Variants in MCOLN3 observed in about 807,000 individuals in gnomAD.
MCOLN3 encodes the protein mucolipin TRP cation channel 3, also known as mucolipin-3.
In MCOLN3, 62 loss-of-function variants were observed where a neutral mutation model predicts 69.4. The observed-to-expected ratio is 0.89, with a 90% CI of 0.73 to 1.10. The LOEUF is 1.10. MCOLN3 is among the 50% of genes least tolerant of loss of function. The probability of loss-of-function intolerance (pLI) is 0.00; values close to 1 mark genes in which losing one functional copy is unlikely to be tolerated. For missense variants in MCOLN3, 564 were observed against 656.4 expected (o/e 0.86, Z 1.54); for synonymous variants, 183 against 217.0 (o/e 0.84, Z 1.38).
chr1:85,037,913 T>C (rs1652872343), intron 3 of MCOLN3, among the ~76,000 whole-genome samples: 1 of 152,196 alleles, frequency 6.6e-6, no homozygotes, highest in Non-Finnish European at 1.5e-5. Context: ...TTCAGTCAGA[T>C]TCATGGGTCC....
At chr1:85,035,637 C>A (rs1406664543) in intron 3 of MCOLN3, among the ~76,000 whole-genome samples, 2 of 152,102 alleles carry the variant, frequency 1.3e-5, no homozygotes, top group Non-Finnish European at 2.9e-5. Context: ...GCAAAAGAAT[C>A]ACTTAAAAAT....
At chr1:85,020,079 T>G (rs1651851009) in intron 12 of MCOLN3, among the ~76,000 whole-genome samples, 1 of 152,194 alleles carries the variant, frequency 6.6e-6, no homozygotes, top group South Asian at 2.1e-4. Flanking sequence ...CACACAGTTC[T>G]CTGCATGCAG....
chr1:85,019,297 C>G lies in MCOLN3; in HGVS notation c.1528-40G>C, dbSNP rs1313773052. ...GTTAAAAAGCTTTTATTAATAAGCT[C>G]CTTGAAAACAGCTTCATTCCAAATT... On this transcript the variant is annotated intron_variant, in intron 12 of 12. Transcript: ENST00000370589. 5.0e-6 allele frequency: 8 copies of G among 1,586,824 alleles called. No individual in the cohort carries two copies. In the East Asian group the frequency reaches 1.6e-4, roughly 31 times the overall value.
At chr1:85,024,602 G>GAAT (rs1553161703) in intron 9 of MCOLN3, 2 of 152,016 alleles carry the variant, frequency 1.3e-5, no homozygotes, top group Non-Finnish European at 2.9e-5. Flanking sequence ...AATGAGGATA[G>GAAT]GACAAGGGTA....
intron 3 of MCOLN3, among the ~76,000 whole-genome samples, chr1:85,035,376 TG>T (rs1652753482): frequency 6.6e-6 from 1 of 152,250 alleles, no homozygotes; most frequent in Non-Finnish European, 1.5e-5. Flanking sequence ...TCTTCAGCTC[TG>T]ACCTTTCCAC....
At chr1:85,045,650 G>A (rs1207294332) in intron 1 of MCOLN3, among the ~76,000 whole-genome samples, 1 of 152,184 alleles carries the variant, frequency 6.6e-6, no homozygotes, top group Non-Finnish European at 1.5e-5. Context: ...TATATAGGAT[G>A]TATATGTTTT....
chr1:85,037,035 A>G (rs1652834260), intron 3 of MCOLN3, among the ~76,000 whole-genome samples: 1 of 152,162 alleles, frequency 6.6e-6, no homozygotes, highest in Non-Finnish European at 1.5e-5. Flanking sequence ...GAAAAATTAT[A>G]ATAATGCGAT....
chr1:85,028,215 C>G (rs1026743603), intron 7 of MCOLN3, among the ~76,000 whole-genome samples: 1 of 152,198 alleles, frequency 6.6e-6, no homozygotes, highest in Non-Finnish European at 1.5e-5. Context: ...AAAATACTAT[C>G]ATGGCAAAAT....
intron 7 of MCOLN3, among the ~76,000 whole-genome samples, chr1:85,028,336 C>G (rs761993930): frequency 1.3e-4 from 20 of 152,150 alleles, no homozygotes; most frequent in Non-Finnish European, 2.9e-5. Flanking sequence ...ACTATTTACA[C>G]ATTTCTAGGC....
In MCOLN3 at chr1:85,041,036, C is replaced by T. The variant is rs1442360409; in HGVS notation, c.370G>A (p.Asp124Asn). The change falls in exon 3 of 13, where the codon GAT (aspartate) becomes AAT (asparagine). Residue 124 changes from aspartate (D) to asparagine (N), a missense_variant. Physicochemically the swap from Asp to Asn is conservative, Grantham distance 23. Transcript: ENST00000370589. ...YAVYTQSDVYDQLIFAVNQYL... is the reference protein window; with the variant it reads ...YAVYTQSDVYNQLIFAVNQYL... ...TGGTTTACTGCGAAGATTAACTGAT[C>T]ATACACGTCACTTTGTGTGTACACT... The T allele has an allele frequency of 6.2e-7, 1 of 1,613,544 alleles. No individual in the cohort carries two copies. The highest frequency in any genetic ancestry group is 8.5e-7 in the Non-Finnish European group (1 of 1,179,878).
intron 2 of MCOLN3, 47 bp from the exon 3 acceptor site, chr1:85,041,224 G>C: frequency 2.0e-6 from 3 of 1,528,524 alleles, no homozygotes; most frequent in Non-Finnish European, 2.7e-6. Flanking sequence ...AATGTGGGCA[G>C]AAAAAGCAGA....
chr1:85,019,690 C>T (rs1242357212), intron 12 of MCOLN3, among the ~76,000 whole-genome samples: 1 of 152,216 alleles, frequency 6.6e-6, no homozygotes, highest in Admixed American at 6.5e-5. Context: ...ACAAGGTTTT[C>T]TAGTAGGCCA....
intron 3 of MCOLN3, among the ~76,000 whole-genome samples, chr1:85,040,330 A>C (rs1240611032): frequency 6.6e-6 from 1 of 152,218 alleles, no homozygotes; most frequent in East Asian, 1.9e-4. Context: ...CTGAAGAAAA[A>C]TTGTAATAAT....
At chr1:85,035,517 AAGTC>A (rs1161797722) in intron 3 of MCOLN3, among the ~76,000 whole-genome samples, 1 of 152,200 alleles carries the variant, frequency 6.6e-6, no homozygotes, top group African/African-American at 2.4e-5. Context: ...ATTATTCTGT[AAGTC>A]AGTCAGTTGT....
chr1:85,032,917 C>T lies in MCOLN3; in HGVS notation c.590G>A (p.Gly197Glu). Reference protein sequence around the residue: ...FVEPDEPFHIGTPAENKLNLT... With the variant: ...FVEPDEPFHIETPAENKLNLT... ...GTTCAGTTTATTTTCTGCTGGTGTCCCAATGTGAAAAGGTTCATCTGGCTC... is the reference window on the plus strand; with the variant it reads ...GTTCAGTTTATTTTCTGCTGGTGTCTCAATGTGAAAAGGTTCATCTGGCTC... The change falls in exon 5 of 13, where the codon GGG (glycine) becomes GAG (glutamate). Residue 197 changes from glycine (G) to glutamate (E), a missense_variant. By Grantham distance (98) the Gly-to-Glu change is moderately conservative. Coordinates refer to ENST00000370589, the MANE Select transcript of MCOLN3 (RefSeq NM_018298.11). The T allele has an allele frequency of 1.2e-6, 2 of 1,614,024 alleles. No homozygotes were observed. The highest frequency in any genetic ancestry group is 1.7e-6 in the Non-Finnish European group (2 of 1,180,036).
chr1:85,028,524 G>A (rs1652337935), intron 7 of MCOLN3, among the ~76,000 whole-genome samples: 1 of 152,162 alleles, frequency 6.6e-6, no homozygotes, highest in Non-Finnish European at 1.5e-5. Context: ...ATTCTTTCCA[G>A]GCAATTCTCT....
At chr1:85,043,990 G>A (rs567179782) in intron 2 of MCOLN3, among the ~76,000 whole-genome samples, 2 of 152,172 alleles carry the variant, frequency 1.3e-5, no homozygotes, top group Admixed American at 1.3e-4. Flanking sequence ...TTGAGCTCAA[G>A]CAATCCACCC....
intron 9 of MCOLN3, among the ~76,000 whole-genome samples, chr1:85,024,265 G>A (rs557422491): frequency 2.6e-5 from 4 of 152,176 alleles, no homozygotes; most frequent in Non-Finnish European, 5.9e-5. Flanking sequence ...GTTAGCGGGA[G>A]GAATTAGGGT....
At chr1:85,048,010 C>T (rs1653463531) in intron 1 of MCOLN3, among the ~76,000 whole-genome samples, 1 of 152,228 alleles carries the variant, frequency 6.6e-6, no homozygotes, top group Non-Finnish European at 1.5e-5. Context: ...CGCGTCAAGG[C>T]CATCTGGAGC....
Sources: allele counts gnomAD v4.1 joint callset (sites outside exome capture counted in the v4.1 genomes callset), GRCh38; gene constraint gnomAD v4.1.1; transcripts MANE v1.5; gene names NCBI Gene and HGNC (gene_info 2026-07-23, HGNC 2026-07-21).